CTNNA3: variants seen among roughly 807,000 people sequenced by gnomAD.
CTNNA3 encodes catenin alpha-3.
Under a neutral mutation model 95.7 loss-of-function variants are expected in CTNNA3, and 76 were observed. That is an observed-to-expected ratio of 0.79 (90% CI 0.66 to 0.96). The LOEUF (loss-of-function observed/expected upper bound fraction) is 0.96, where lower values mean the gene tolerates loss of function less well. Among genes scored for constraint, CTNNA3 ranks in the 40% least tolerant of loss-of-function variants. The pLI is 0.00. For synonymous variants in CTNNA3, 431 were observed against 374.4 expected, an observed-to-expected ratio of 1.15 and a Z score of -1.74; for missense variants, 1,191 against 1,089.8, an observed-to-expected ratio of 1.09 and a Z score of -1.31.
At chr10:66,398,314 C>T (rs1351429631) in intron 11 of CTNNA3, among the ~76,000 whole-genome samples, 2 of 151,828 alleles carry the variant, frequency 1.3e-5, no homozygotes, top group African/African-American at 2.4e-5. Flanking sequence ...CTCTTATTTC[C>T]TAATTATGTG....
intron 6 of CTNNA3, among the ~76,000 whole-genome samples, chr10:67,207,966 T>C (rs886268668): frequency 2.6e-5 from 4 of 152,146 alleles, no homozygotes; most frequent in African/African-American, 9.7e-5. Context: ...CACCAAACAT[T>C]TGAGAAACAT....
intron 11 of CTNNA3, among the ~76,000 whole-genome samples, chr10:66,507,253 A>G (rs1048486801): frequency 6.6e-6 from 1 of 152,148 alleles, no homozygotes; most frequent in Admixed American, 6.5e-5. Flanking sequence ...AAACATATTT[A>G]TGGGGTACCA....
chr10:66,117,778 T>C (rs1415822008), intron 13 of CTNNA3, among the ~76,000 whole-genome samples: 1 of 152,196 alleles, frequency 6.6e-6, no homozygotes, highest in Admixed American at 6.5e-5. Context: ...ATTTAAGTAG[T>C]AAAACCATTT....
intron 15 of CTNNA3, among the ~76,000 whole-genome samples, chr10:66,032,369 A>T (rs1186716502): frequency 6.6e-6 from 1 of 152,184 alleles, no homozygotes; most frequent in Non-Finnish European, 1.5e-5. Context: ...ATAAATTATA[A>T]CTATGAAATT....
intron 10 of CTNNA3, among the ~76,000 whole-genome samples, chr10:66,618,065 T>C (rs1433152375): frequency 6.6e-6 from 1 of 151,676 alleles, no homozygotes; most frequent in Non-Finnish European, 1.5e-5. Flanking sequence ...TAAAAAAGGA[T>C]ACAAACAAAT....
intron 7 of CTNNA3, among the ~76,000 whole-genome samples, chr10:66,830,799 C>T (rs1192075608): frequency 6.6e-6 from 1 of 151,794 alleles, no homozygotes; most frequent in Non-Finnish European, 1.5e-5. Flanking sequence ...TTAGTAGAGA[C>T]AGGGTTTCAC....
chr10:66,770,266 A>C (rs1269311684), intron 8 of CTNNA3, among the ~76,000 whole-genome samples: 1 of 152,220 alleles, frequency 6.6e-6, no homozygotes, highest in Non-Finnish European at 1.5e-5. Flanking sequence ...TTGTATAGTC[A>C]TATATACCTA....
At chr10:66,146,944 T>G (rs2083915605) in intron 13 of CTNNA3, among the ~76,000 whole-genome samples, 1 of 152,200 alleles carries the variant, frequency 6.6e-6, no homozygotes, top group African/African-American at 2.4e-5. Flanking sequence ...TATGAAAAGT[T>G]TTCCTGTAGA....
At chr10:67,190,188 T>G (rs10997561) in intron 6 of CTNNA3, among the ~76,000 whole-genome samples, 17,322 of 152,028 alleles carry the variant, frequency 0.11, 1,122 homozygotes, top group African/African-American at 0.18. Context: ...AAGACTGAGA[T>G]CATGGCTCTA....
At chr10:67,642,407 C>T (rs1479921125) in intron 2 of CTNNA3, among the ~76,000 whole-genome samples, 3 of 152,000 alleles carry the variant, frequency 2.0e-5, no homozygotes, top group East Asian at 1.9e-4. Context: ...GACATACATG[C>T]GGCCAATAAA....
intron 16 of CTNNA3, among the ~76,000 whole-genome samples, chr10:65,970,509 A>T (rs779818784): frequency 6.6e-6 from 1 of 152,104 alleles, no homozygotes; most frequent in Admixed American, 6.6e-5. Flanking sequence ...ACATCCATTC[A>T]TCTGCTGTTT....
In CTNNA3 at chr10:66,470,015, A is replaced by G. The variant is rs146460048; in HGVS notation, c.1531+50602T>C. Among the ~76,000 whole-genome samples, 895 of 151,978 alleles carry G rather than the reference A, an allele frequency of 5.9e-3. 11 individuals carry two copies. The highest frequency in any genetic ancestry group is 0.021 in the African/African-American group (853 of 41,492). On this transcript the variant is annotated intron_variant, in intron 11 of 17. Transcript: ENST00000433211. ...GTGAGGGAGACTTGTGCATGTTTAA[A>G]ATATTTTGAGAAGGATCCACTTTAA...
At chr10:67,090,519 G>C (rs1857569019) in intron 7 of CTNNA3, among the ~76,000 whole-genome samples, 1 of 152,092 alleles carries the variant, frequency 6.6e-6, no homozygotes, top group Non-Finnish European at 1.5e-5. Context: ...GCAACAAAAT[G>C]TAGTGGTTAA....
At position 66,280,676 on chromosome 10, in the gene CTNNA3, A is replaced by G. The variant is rs2091477499; in HGVS notation, c.1733-55T>C. ...GTCCTCTTTGTATTTTTGGATTTAT[A>G]CAGTAGTTTCCAGGAAATGTAGAAT... On this transcript the variant is annotated intron_variant, in intron 12 of 17. Transcript: ENST00000433211. 2.9e-6 allele frequency: 4 copies of G among 1,368,354 alleles called. No individual in the cohort carries two copies. In the Admixed American group the frequency reaches 7.1e-5, roughly 24 times the overall value. The allele number at this position is 1,368,354 out of a possible 1,614,324, so 84.8% of individuals were successfully genotyped here.
chr10:67,376,942 T>C (rs1049485573), intron 5 of CTNNA3, among the ~76,000 whole-genome samples: 1 of 152,170 alleles, frequency 6.6e-6, no homozygotes, highest in African/African-American at 2.4e-5. Context: ...TTAGAGCCCA[T>C]AGCTATGATG....
At chr10:66,572,260 G>A (rs1395751179) in intron 10 of CTNNA3, among the ~76,000 whole-genome samples, 2 of 151,560 alleles carry the variant, frequency 1.3e-5, no homozygotes, top group Non-Finnish European at 2.9e-5. Context: ...GCACGTGCCT[G>A]TAATCCCATC....
At chr10:66,795,905 T>C (rs1841170573) in intron 7 of CTNNA3, among the ~76,000 whole-genome samples, 1 of 152,144 alleles carries the variant, frequency 6.6e-6, no homozygotes, top group Non-Finnish European at 1.5e-5. Context: ...CAACTTTTCT[T>C]CCGCAGCATC....
chr10:67,361,253 T>C (rs1842982354), intron 5 of CTNNA3, among the ~76,000 whole-genome samples: 1 of 152,112 alleles, frequency 6.6e-6, no homozygotes, highest in Non-Finnish European at 1.5e-5. Flanking sequence ...TATGGACTTA[T>C]ATTTGACACT....
chr10:67,207,870 C>T (rs554122224), intron 6 of CTNNA3, among the ~76,000 whole-genome samples: 3 of 152,204 alleles, frequency 2.0e-5, no homozygotes, highest in Admixed American at 6.5e-5. Flanking sequence ...GATTCATGAC[C>T]TCATCATCAG....
Sources: gnomAD v4.1 joint callset for allele counts (sites outside exome capture counted in the v4.1 genomes callset) on GRCh38, gnomAD v4.1.1 for gene constraint, MANE v1.5 for transcripts, NCBI Gene and HGNC (gene_info 2026-07-23, HGNC 2026-07-21) for gene names.